Variants in PPP1R12B observed in about 807,000 individuals in gnomAD.
PPP1R12B encodes the protein myosin phosphatase target subunit 2.
Under a neutral mutation model 126.1 loss-of-function variants are expected in PPP1R12B, and 76 were observed. The ratio of observed to expected loss-of-function variants is 0.60; its 90% confidence interval spans 0.50 to 0.73. PPP1R12B has a LOEUF of 0.73. PPP1R12B is among the 30% of genes least tolerant of loss of function. The pLI is 0.00. For synonymous variants in PPP1R12B, 356 were observed against 434.7 expected (o/e 0.82, Z 2.25); for missense variants, 1,052 against 1,205.1 (o/e 0.87, Z 1.88).
At chr1:202,530,993 C>T (rs1198284018) in intron 18 of PPP1R12B, among the ~76,000 whole-genome samples, 1 of 152,218 alleles carries the variant, frequency 6.6e-6, no homozygotes, top group Non-Finnish European at 1.5e-5. Flanking sequence ...ATGTCTCCCT[C>T]ACTCAGGAGC....
At chr1:202,494,190 A>G (rs115311302) in intron 15 of PPP1R12B, among the ~76,000 whole-genome samples, 66 of 152,226 alleles carry the variant, frequency 4.3e-4, no homozygotes, top group African/African-American at 1.5e-3. Flanking sequence ...CTGAAGTTCT[A>G]TTTTGTATTT....
chr1:202,378,818 T>C (rs1293943236), intron 1 of PPP1R12B, among the ~76,000 whole-genome samples: 3 of 152,176 alleles, frequency 2.0e-5, no homozygotes, highest in Non-Finnish European at 4.4e-5. Flanking sequence ...TTTATAACGT[T>C]TTATCTACTT....
chr1:202,491,052 G>A (rs1398792995), intron 14 of PPP1R12B, among the ~76,000 whole-genome samples: 2 of 152,096 alleles, frequency 1.3e-5, no homozygotes, highest in African/African-American at 4.8e-5. Context: ...TTTCCTTAGC[G>A]GCTGTACCAT....
chr1:202,457,017 T>C (rs1673727725), intron 13 of PPP1R12B, among the ~76,000 whole-genome samples: 1 of 152,172 alleles, frequency 6.6e-6, no homozygotes, highest in South Asian at 2.1e-4. Flanking sequence ...CTCAAACTAT[T>C]ATTGGAATAG....
intron 1 of PPP1R12B, among the ~76,000 whole-genome samples, chr1:202,384,951 T>A (rs557290661): frequency 1.3e-5 from 2 of 152,380 alleles, no homozygotes; most frequent in South Asian, 4.1e-4. Flanking sequence ...GCTGTTGTCA[T>A]ATTTTTATAT....
At chr1:202,560,825 T>C (rs1398401382) in intron 19 of PPP1R12B, among the ~76,000 whole-genome samples, 1 of 152,140 alleles carries the variant, frequency 6.6e-6, no homozygotes, top group Non-Finnish European at 1.5e-5. Flanking sequence ...TTATATAAAA[T>C]TTAAAATCTC....
At chr1:202,390,664 T>A (rs1448507811) in intron 1 of PPP1R12B, among the ~76,000 whole-genome samples, 1 of 55,324 alleles carries the variant, frequency 1.8e-5, no homozygotes, top group Non-Finnish European at 5.5e-5. Context: ...ACATCCAGCT[T>A]TTTTTTTTTT....
At chr1:202,396,698 T>A (rs1247331586) in intron 1 of PPP1R12B, among the ~76,000 whole-genome samples, 1 of 152,180 alleles carries the variant, frequency 6.6e-6, no homozygotes, top group African/African-American at 2.4e-5. Context: ...CTGCAAGCAA[T>A]GCCTTTGGGG....
chr1:202,555,463 TAAA>T (rs59737329), intron 18 of PPP1R12B, among the ~76,000 whole-genome samples: 1 of 61,426 alleles, frequency 1.6e-5, no homozygotes, highest in African/African-American at 5.8e-5. Context: ...AAGAAGAAAC[TAAA>T]AAAAAAAAAA....
intron 1 of PPP1R12B, among the ~76,000 whole-genome samples, chr1:202,352,017 GT>G (rs2148366236): frequency 6.6e-6 from 1 of 152,274 alleles, no homozygotes; most frequent in Non-Finnish European, 1.5e-5. Flanking sequence ...TATCTCAAAG[GT>G]TAGACCAACT....
intron 18 of PPP1R12B, among the ~76,000 whole-genome samples, chr1:202,503,421 CTGAT>C: frequency 6.6e-6 from 1 of 152,258 alleles, no homozygotes; most frequent in South Asian, 2.1e-4. Context: ...TCTAATAGGT[CTGAT>C]TGACATATTT....
At chr1:202,391,288 A>C (rs1377327578) in intron 1 of PPP1R12B, among the ~76,000 whole-genome samples, 1 of 152,206 alleles carries the variant, frequency 6.6e-6, no homozygotes, top group Non-Finnish European at 1.5e-5. Context: ...GATATTCAAC[A>C]TCAATTGTCA....
chr1:202,492,922 C>A (rs1679079793), intron 14 of PPP1R12B, among the ~76,000 whole-genome samples, 192 bp from the exon 15 acceptor site: 1 of 152,182 alleles, frequency 6.6e-6, no homozygotes, highest in Non-Finnish European at 1.5e-5. Context: ...TACCTAGACT[C>A]AGGCCCGGGT....
chr1:202,407,417 C>T (rs764630901), intron 1 of PPP1R12B, among the ~76,000 whole-genome samples: 4 of 152,178 alleles, frequency 2.6e-5, no homozygotes, highest in African/African-American at 4.8e-5. Context: ...CAGTATGACA[C>T]TTCATGGAAA....
intron 13 of PPP1R12B, among the ~76,000 whole-genome samples, chr1:202,484,355 G>A (rs1302996041): frequency 6.6e-6 from 1 of 152,178 alleles, no homozygotes; most frequent in Admixed American, 6.5e-5. Flanking sequence ...TAAGCTGATA[G>A]CAACTTAACT....
At chr1:202,355,655 G>A (rs954385568) in intron 1 of PPP1R12B, among the ~76,000 whole-genome samples, 2 of 152,066 alleles carry the variant, frequency 1.3e-5, no homozygotes, top group African/African-American at 2.4e-5. Context: ...GTTTGAGCAG[G>A]GTCGTTACCC....
intron 10 of PPP1R12B, chr1:202,439,332 C>G (rs1438907736): frequency 7.1e-7 from 1 of 1,413,328 alleles, no homozygotes; most frequent in Non-Finnish European, 1.0e-6. Context: ...AGCCCTGAAG[C>G]TGGAACCTTC....
chr1:202,374,485 G>C (rs1163447069), intron 1 of PPP1R12B, among the ~76,000 whole-genome samples: 1 of 112,760 alleles, frequency 8.9e-6, no homozygotes, highest in Non-Finnish European at 1.8e-5. Context: ...GCTTTCATTT[G>C]TCTCTCTCTT....
chr1:202,530,019 TATG>T (rs1558337826), intron 18 of PPP1R12B, among the ~76,000 whole-genome samples: 1 of 152,212 alleles, frequency 6.6e-6, no homozygotes, highest in Non-Finnish European at 1.5e-5. Context: ...AGATAAATCA[TATG>T]CTTTAAAGCT....
Sources: allele counts gnomAD v4.1 joint callset (sites outside exome capture counted in the v4.1 genomes callset), GRCh38; gene constraint gnomAD v4.1.1; transcripts MANE v1.5; gene names NCBI Gene and HGNC (gene_info 2026-07-23, HGNC 2026-07-21).